The following AMOTL1 variants were observed in gnomAD, a reference collection of about 807,000 sequenced individuals.
AMOTL1 encodes the protein angiomotin like 1.
AMOTL1 carries 45 observed loss-of-function variants against 102.9 expected under a neutral mutation model. The ratio of observed to expected loss-of-function variants is 0.44; its 90% CI spans 0.34 to 0.56. AMOTL1 has a LOEUF of 0.56. Among genes scored for constraint, AMOTL1 ranks in the 20% least tolerant of loss-of-function variants. AMOTL1 has a pLI of 0.01. For missense variants in AMOTL1, 1,114 were observed against 1,225.6 expected (o/e 0.91, Z 1.36); for synonymous variants, 481 against 484.7 (o/e 0.99, Z 0.10).
intron 2 of AMOTL1, among the ~76,000 whole-genome samples, chr11:94,735,198 G>C (rs113141779): frequency 1.3e-5 from 2 of 152,228 alleles, no homozygotes; most frequent in Non-Finnish European, 2.9e-5. Flanking sequence ...CTCTGCAGCA[G>C]AGGCTGGGCA....
chr11:94,787,544 C>T (rs1353815913), intron 1 of AMOTL1, among the ~76,000 whole-genome samples: 1 of 151,138 alleles, frequency 6.6e-6, no homozygotes, highest in Non-Finnish European at 1.5e-5. Flanking sequence ...AAAAATTAGC[C>T]GGGCATGGTG....
At chr11:94,840,707 C>CAT (rs1314874637) in intron 6 of AMOTL1, among the ~76,000 whole-genome samples, 55 of 124,936 alleles carry the variant, frequency 4.4e-4, no homozygotes, top group South Asian at 3.3e-3. Flanking sequence ...CACACACACA[C>CAT]ATATATATAT....
chr11:94,775,084 G>C (rs1469664479), intron 1 of AMOTL1, among the ~76,000 whole-genome samples: 1 of 152,180 alleles, frequency 6.6e-6, no homozygotes, highest in Non-Finnish European at 1.5e-5. Flanking sequence ...TAAGGTTATT[G>C]TGTGGCTTAA....
rs866209055 is a variant in AMOTL1, at chr11:94,831,542, G to C, written c.1648+1G>C. 6.2e-7 allele frequency: 1 copy of C among 1,612,610 alleles called. No individual in the cohort carries two copies. The highest frequency in any genetic ancestry group is 1.7e-4 in the Middle Eastern group (1 of 6,058). ...GCAGAGGGGCATTATGCTTCCCAGA[G>C]TGAGTCTCCACTTATTTATTATCCC... On this transcript the variant is annotated splice_donor_variant, in intron 6 of 12. Coordinates refer to ENST00000433060, the MANE Select transcript of AMOTL1 (RefSeq NM_130847.3). LOFTEE classifies it high-confidence loss of function.
intron 8 of AMOTL1, among the ~76,000 whole-genome samples, chr11:94,856,319 T>A (rs1300498316): frequency 6.6e-6 from 1 of 152,140 alleles, no homozygotes; most frequent in African/African-American, 2.4e-5. Flanking sequence ...CATTATCTTA[T>A]AACCAAAAAA....
At chr11:94,742,361 G>A (rs576132091) in intron 3 of AMOTL1, among the ~76,000 whole-genome samples, 38 of 152,214 alleles carry the variant, frequency 2.5e-4, no homozygotes, top group Non-Finnish European at 5.3e-4. Flanking sequence ...ACAGTGCGAC[G>A]AAGCCATTTG....
intron 9 of AMOTL1, among the ~76,000 whole-genome samples, chr11:94,864,358 G>A (rs960843121): frequency 2.0e-5 from 3 of 152,116 alleles, no homozygotes; most frequent in African/African-American, 7.2e-5. Context: ...CATACATAAT[G>A]TAGTCAGAAG....
chr11:94,795,128 T>C lies in AMOTL1; in HGVS notation c.167T>C (p.Val56Ala). 6.2e-7 allele frequency: 1 copy of C among 1,613,914 alleles called. No individual in the cohort carries two copies. The highest frequency in any genetic ancestry group is 8.5e-7 in the Non-Finnish European group (1 of 1,179,846). ...SGRHETSALTVEATSSIREKV... is the reference protein window; with the variant it reads ...SGRHETSALTAEATSSIREKV... The stretch of plus-strand genomic sequence containing the variant: ...AGGCATGAAACATCTGCTTTGACGG[T>C]GGAGGCAACCAGTAGCATCAGGGAA... The change falls in exon 2 of 13, where the codon GTG (valine) becomes GCG (alanine). Residue 56 changes from valine to alanine, a missense_variant. Val to Ala is a moderately conservative substitution (Grantham distance 64). Coordinates refer to ENST00000433060, the MANE Select transcript of AMOTL1 (RefSeq NM_130847.3).
chr11:94,713,708 A>AT, intron 1 of AMOTL1, among the ~76,000 whole-genome samples: 1 of 152,064 alleles, frequency 6.6e-6, no homozygotes, highest in Admixed American at 6.5e-5. Flanking sequence ...AATGCAATTA[A>AT]TTTTTATGTT....
At chr11:94,833,489 T>C (rs1225848344) in intron 6 of AMOTL1, among the ~76,000 whole-genome samples, 2 of 152,258 alleles carry the variant, frequency 1.3e-5, no homozygotes, top group African/African-American at 2.4e-5. Context: ...ATCTTTGTTC[T>C]TTATCTTATA....
chr11:94,771,553 T>C (rs1237446864), intron 1 of AMOTL1, among the ~76,000 whole-genome samples: 1 of 152,176 alleles, frequency 6.6e-6, no homozygotes, highest in Admixed American at 6.5e-5. Flanking sequence ...AAGTTAATTT[T>C]GTTGGCTTGG....
At chr11:94,747,773 CTT>C (rs1222894892) in intron 3 of AMOTL1, among the ~76,000 whole-genome samples, 1 of 152,200 alleles carries the variant, frequency 6.6e-6, no homozygotes, top group Admixed American at 6.5e-5. Context: ...CGTTTCCTGG[CTT>C]TACCATCTTC....
chr11:94,749,781 G>T (rs1291118777), intron 3 of AMOTL1, among the ~76,000 whole-genome samples: 2 of 152,200 alleles, frequency 1.3e-5, no homozygotes, highest in Non-Finnish European at 2.9e-5. Context: ...ATGCCTGATT[G>T]TAGTAACCAC....
chr11:94,728,244 T>C (rs1950291188), intron 1 of AMOTL1, among the ~76,000 whole-genome samples: 1 of 152,092 alleles, frequency 6.6e-6, no homozygotes, highest in Non-Finnish European at 1.5e-5. Flanking sequence ...AGTTTGCATA[T>C]AGAGAGATTC....
chr11:94,751,162 C>T (rs532939101), intron 3 of AMOTL1, among the ~76,000 whole-genome samples: 13 of 152,252 alleles, frequency 8.5e-5, no homozygotes, highest in African/African-American at 3.1e-4. Context: ...CAGTACAATA[C>T]ATGGATATTC....
intron 10 of AMOTL1, among the ~76,000 whole-genome samples, chr11:94,865,157 G>T (rs1415225432): frequency 4.6e-5 from 7 of 152,248 alleles, no homozygotes; most frequent in African/African-American, 1.7e-4. Flanking sequence ...TTATTTCTTG[G>T]TGTCTATCTC....
chr11:94,780,704 C>T (rs1951097331), intron 1 of AMOTL1, among the ~76,000 whole-genome samples: 1 of 152,156 alleles, frequency 6.6e-6, no homozygotes. Context: ...GTTAATAGCC[C>T]TTTCTGTTGT....
chr11:94,799,619 C>G lies in AMOTL1; in HGVS notation c.429C>G (p.Asn143Lys). Residue 143 changes from asparagine to lysine, a missense_variant, in exon 3 of 13, where the codon AAC becomes AAG. Physicochemically the swap from Asn to Lys is moderately conservative, Grantham distance 94. Transcript: ENST00000433060. The surrounding 1 kb of genome is among the most constrained non-coding windows in gnomAD (Gnocchi z 4.5). ...CAAACAACTTTTCTTCCACGGAAAA[C>G]CTCACTCAAGAAGACCCACAAATGG... is the stretch of plus-strand genomic sequence containing the variant. ...HPTNNFSSTENLTQEDPQMVY... is the reference protein window; with the variant it reads ...HPTNNFSSTEKLTQEDPQMVY... The G allele has an allele frequency of 6.2e-7, 1 of 1,613,894 alleles. No homozygotes were observed. Among genetic ancestry groups the G allele is most frequent in the Non-Finnish European group, 8.5e-7 (1 of 1,179,890 alleles).
At chr11:94,845,036 G>A (rs191270264) in intron 6 of AMOTL1, among the ~76,000 whole-genome samples, 1 of 152,296 alleles carries the variant, frequency 6.6e-6, no homozygotes, top group South Asian at 2.1e-4. Context: ...CCATAAGTGG[G>A]AGCACTGAAT....
Sources: gnomAD v4.1 joint callset for allele counts (sites outside exome capture counted in the v4.1 genomes callset) on GRCh38, gnomAD v4.1.1 for gene constraint, Gnocchi (gnomAD v3.1) non-coding constraint, MANE v1.5 for transcripts, NCBI Gene and HGNC (gene_info 2026-07-23, HGNC 2026-07-21) for gene names.